TCHP: variants seen among roughly 807,000 people sequenced by gnomAD.
TCHP encodes trichoplein keratin filament-binding protein.
A neutral mutation model predicts 88.7 loss-of-function variants in TCHP; 81 were observed. The observed-to-expected ratio is 0.91, with a 90% CI of 0.76 to 1.10. The LOEUF (loss-of-function observed/expected upper bound fraction) is 1.10. Among genes scored for constraint, TCHP ranks in the 50% least tolerant of loss-of-function variants. TCHP has a pLI of 0.00. For missense variants in TCHP, 641 were observed against 632.1 expected (o/e 1.01, Z -0.15); for synonymous variants, 232 against 232.5 (o/e 1.00, Z 0.02).
At chr12:109,892,148 T>C in the TCHP span, among the ~76,000 whole-genome samples, 1 of 151,984 alleles carries the variant, frequency 6.6e-6, no homozygotes, top group Admixed American at 6.6e-5. Flanking sequence ...GATTGTGCCA[T>C]TGCACTCCAG....
chr12:109,885,120 C>T, the TCHP span, among the ~76,000 whole-genome samples: 1 of 152,066 alleles, frequency 6.6e-6, no homozygotes, highest in Non-Finnish European at 1.5e-5. Flanking sequence ...AGGCACCTGC[C>T]ACCACACCCT....
At chr12:109,886,422 G>A in the TCHP span, among the ~76,000 whole-genome samples, 3 of 152,282 alleles carry the variant, frequency 2.0e-5, no homozygotes, top group South Asian at 6.2e-4. Flanking sequence ...ACAGGCGTAA[G>A]CCACCATGCC....
chr12:109,892,653 T>G, the TCHP span, among the ~76,000 whole-genome samples: 1 of 152,128 alleles, frequency 6.6e-6, no homozygotes, highest in Non-Finnish European at 1.5e-5. Context: ...AGGACTGACC[T>G]GATGCCCCAT....
At chr12:109,887,434 A>C in the TCHP span, among the ~76,000 whole-genome samples, 2 of 151,562 alleles carry the variant, frequency 1.3e-5, no homozygotes, top group Admixed American at 6.6e-5. Flanking sequence ...AAAAAAAAAA[A>C]CCATGGTATT....
intron 4 of TCHP, 96 bp from the exon 5 acceptor site, chr12:109,906,476 C>A: frequency 8.4e-7 from 1 of 1,193,204 alleles, no homozygotes; most frequent in Non-Finnish European, 1.2e-6. Flanking sequence ...GTCATGGCCA[C>A]GTTCCCGCAG....
At chr12:109,910,071 G>A (rs895277174) in intron 8 of TCHP, among the ~76,000 whole-genome samples, 10 of 152,122 alleles carry the variant, frequency 6.6e-5, no homozygotes, top group Middle Eastern at 3.2e-3. Context: ...CCCAGGAGGT[G>A]GAGGTTGCAG....
In TCHP at chr12:109,907,116, G is replaced by A. The variant is rs534468289; in HGVS notation, c.526-410G>A. Among the ~76,000 whole-genome samples the A allele has an allele frequency of 3.9e-5, 6 of 152,278 alleles. No homozygotes were observed. The South Asian group carries it at 1.2e-3, about 32-fold the overall frequency. On this transcript the variant is annotated intron_variant, in intron 5 of 12. Coordinates refer to ENST00000405876, the MANE Select transcript of TCHP (RefSeq NM_001143852.2). ...GTTGCTCAGGCTGGTCTGGCCTCCT[G>A]GCCTTAAACGATTCTCCCACCTCGG...
chr12:109,892,043 T>C, the TCHP span, among the ~76,000 whole-genome samples: 1 of 152,004 alleles, frequency 6.6e-6, no homozygotes, highest in Non-Finnish European at 1.5e-5. Flanking sequence ...AAAAATTAGC[T>C]GGGCGTGGTG....
the TCHP span, among the ~76,000 whole-genome samples, chr12:109,892,828 A>G: frequency 1.3e-5 from 2 of 152,228 alleles, no homozygotes; most frequent in African/African-American, 4.8e-5. Flanking sequence ...CACTGTGAGG[A>G]TGAAGGTGGT....
Position 109,903,883 on chromosome 12 carries a change from C to A in TCHP, c.189-54C>A. The A allele has an allele frequency of 7.0e-7, 1 of 1,433,864 alleles. No individual in the cohort carries two copies. Among genetic ancestry groups the A allele is most frequent in the Non-Finnish European group, 9.6e-7 (1 of 1,038,844 alleles). The allele number at this position is 1,433,864 out of a possible 1,614,324, so 88.8% of individuals were successfully genotyped here. On this transcript the variant is annotated intron_variant, in intron 2 of 12. Transcript: ENST00000405876. The surrounding 1 kb of genome is among the most constrained non-coding windows in gnomAD (Gnocchi z 4.6). ...CTTTTACCGACACAGCAGAGCAGAG[C>A]ACGTTCCCTGTGGCTGTAGCATGAT...
upstream of TCHP, among the ~76,000 whole-genome samples, chr12:109,899,053 A>G (rs1468033311): frequency 3.9e-5 from 6 of 152,144 alleles, no homozygotes; most frequent in Non-Finnish European, 8.8e-5. Flanking sequence ...TCCTGACCTC[A>G]GGTAATCCAC....
chr12:109,904,788 C>G lies in TCHP; in HGVS notation c.451C>G (p.Arg151Gly), dbSNP rs186211529. The change falls in exon 4 of 13, where the codon CGA becomes GGA. Residue 151 changes from arginine to glycine, a missense_variant. Arg to Gly is a moderately radical substitution (Grantham distance 125). Transcript: ENST00000405876. ...EHWKKNNPKL[R>G]EMELDLHQKH... is the part of the protein sequence containing the mutation. ...CTGGAAAAAGAACAACCCGAAACTTCGAGAGGTGAAAATCAGAGATCTCCA... is the reference window on the plus strand; with the variant it reads ...CTGGAAAAAGAACAACCCGAAACTTGGAGAGGTGAAAATCAGAGATCTCCA... 3.7e-6 allele frequency: 6 copies of G among 1,612,880 alleles called. No homozygotes were observed. Among genetic ancestry groups the G allele is most frequent in the African/African-American group, 1.3e-5 (1 of 74,850 alleles).
chr12:109,908,766 CGT>C lies in TCHP; in HGVS notation c.812+71_812+72del. 7.7e-6 allele frequency: 12 copies of C among 1,554,900 alleles called. No homozygotes were observed. The South Asian group carries it at 1.4e-4, about 18-fold the overall frequency. Reference sequence around the variant, plus strand: ...CCTCTTGCTTTTTCAGACTTGCATTCGTGTTGCTGAAACCATAAAGGAGACAG... The same window carrying C: ...CCTCTTGCTTTTTCAGACTTGCATTCGTTGCTGAAACCATAAAGGAGACAG... On this transcript the variant is annotated intron_variant, in intron 7 of 12. Coordinates refer to ENST00000405876, the MANE Select transcript of TCHP (RefSeq NM_001143852.2).
chr12:109,884,586 G>C, the TCHP span, among the ~76,000 whole-genome samples: 3 of 152,198 alleles, frequency 2.0e-5, no homozygotes, highest in African/African-American at 7.2e-5. Flanking sequence ...AGCTTTTCCA[G>C]TTCTTCAAGG....
intron 10 of TCHP, 33 bp from the exon 11 acceptor site, chr12:109,914,408 CT>C (rs1870677045): frequency 7.6e-6 from 12 of 1,584,912 alleles, no homozygotes; most frequent in Non-Finnish European, 1.0e-5. Flanking sequence ...TAGGGTCAAC[CT>C]CAAAGCTGCC....
chr12:109,911,454 A>G (rs1870487913), intron 9 of TCHP, among the ~76,000 whole-genome samples: 1 of 151,828 alleles, frequency 6.6e-6, no homozygotes, highest in Non-Finnish European at 1.5e-5. Flanking sequence ...CTCTACCAAA[A>G]ATACACAAAT....
chr12:109,898,372 G>A (rs1262765638), upstream of TCHP, among the ~76,000 whole-genome samples: 2 of 152,130 alleles, frequency 1.3e-5, no homozygotes, highest in East Asian at 1.9e-4. Flanking sequence ...ACCACGCCCA[G>A]CTAATTTTTA....
rs1045416759 is a variant in TCHP at position 109,900,321 on chromosome 12, T to A, written c.-106T>A. The A allele has an allele frequency of 4.6e-5, 7 of 152,328 alleles. No individual in the cohort carries two copies. The highest frequency in any genetic ancestry group is 1.7e-4 in the African/African-American group (7 of 41,580). 9.4% of individuals were successfully genotyped at this position (152,328 alleles called of 1,614,324 possible). On this transcript the variant is annotated 5_prime_UTR_variant, in exon 1 of 13. Coordinates refer to ENST00000405876, the MANE Select transcript of TCHP (RefSeq NM_001143852.2). ...CAAACAGGGAGGAAACAGCCGGCGT[T>A]GCTGTAGCGCGTCTGGGAATTACAC...
chr12:109,898,443 C>G (rs865999014), upstream of TCHP, among the ~76,000 whole-genome samples: 1 of 152,206 alleles, frequency 6.6e-6, no homozygotes, highest in African/African-American at 2.4e-5. Context: ...CTCCTGACCT[C>G]AAGAGATCCG....
Sources: gnomAD v4.1 joint callset for allele counts (sites outside exome capture counted in the v4.1 genomes callset) on GRCh38, gnomAD v4.1.1 for gene constraint, Gnocchi (gnomAD v3.1) non-coding constraint, MANE v1.5 for transcripts, NCBI Gene and HGNC (gene_info 2026-07-23, HGNC 2026-07-21) for gene names.